The following DLG1 variants were observed in gnomAD, a reference collection of about 807,000 sequenced individuals.
The protein encoded by DLG1 is disks large homolog 1.
A neutral mutation model predicts 123.4 loss-of-function variants in DLG1; 42 were observed. The ratio of observed to expected loss-of-function variants is 0.34; its 90% CI spans 0.27 to 0.44. The LOEUF (loss-of-function observed/expected upper bound fraction) is 0.44. Among genes scored for constraint, DLG1 ranks in the 20% least tolerant of loss-of-function variants. The pLI, the probability that DLG1 is intolerant of heterozygous loss-of-function variation, is 1.00. For missense variants in DLG1, 942 were observed against 1,082.6 expected (o/e 0.87, Z 1.82); for synonymous variants, 317 against 356.2 (o/e 0.89, Z 1.24).
intron 4 of DLG1, among the ~76,000 whole-genome samples, chr3:197,224,935 T>C (rs770714043): frequency 4.0e-5 from 6 of 149,476 alleles, no homozygotes; most frequent in South Asian, 2.1e-4. Context: ...TTCCTACAAA[T>C]AGCTTTAAAC....
At chr3:197,205,536 A>T (rs1298000351) in intron 4 of DLG1, among the ~76,000 whole-genome samples, 3 of 152,216 alleles carry the variant, frequency 2.0e-5, no homozygotes, top group Admixed American at 2.0e-4. Context: ...AGGAAAAAAA[A>T]TTAATGAATA....
intron 4 of DLG1, among the ~76,000 whole-genome samples, chr3:197,254,917 G>T (rs1043744150): frequency 2.6e-5 from 4 of 151,994 alleles, no homozygotes; most frequent in Non-Finnish European, 4.4e-5. Flanking sequence ...TTAGCCGGGC[G>T]TGGTGGCACG....
At chr3:197,246,491 G>A (rs911734938) in intron 4 of DLG1, among the ~76,000 whole-genome samples, 1 of 152,124 alleles carries the variant, frequency 6.6e-6, no homozygotes, top group Non-Finnish European at 1.5e-5. Context: ...CTAACCTGAA[G>A]GGGTGTGCTC....
chr3:197,262,504 C>A (rs1188009022), intron 4 of DLG1, among the ~76,000 whole-genome samples: 1 of 152,118 alleles, frequency 6.6e-6, no homozygotes, highest in Non-Finnish European at 1.5e-5. Flanking sequence ...GCAAATTAAC[C>A]AAACCCAAGG....
At position 197,066,751 on chromosome 3, in the gene DLG1, C is replaced by T. The variant is rs766663727; in HGVS notation, c.2051G>A (p.Gly684Asp). 26 of 1,598,364 alleles carry T rather than the reference C, an allele frequency of 1.6e-5. No homozygotes were observed. The South Asian group carries it at 2.4e-4, about 14-fold the overall frequency. ...NASDSESSYR[G>D]QEEYVLSYEP... ...ATAAGATAAGACGTATTCTTCTTGA[C>T]CACCTATTAGAAAGTGAAGGCACAG... The change falls in exon 20 of 25, where the codon GGT (glycine) becomes GAT (aspartate). Residue 684 changes from glycine (G) to aspartate (D), a missense_variant. By Grantham distance (94) the Gly-to-Asp change is moderately conservative. Transcript: ENST00000667157.
chr3:197,157,486 CAAGA>C (rs1796883536), intron 5 of DLG1, among the ~76,000 whole-genome samples: 1 of 151,980 alleles, frequency 6.6e-6, no homozygotes, highest in South Asian at 2.1e-4. Flanking sequence ...TTAACTTCAT[CAAGA>C]AAGTAAAAAA....
chr3:197,244,664 C>T (rs934641670), intron 4 of DLG1, among the ~76,000 whole-genome samples: 1 of 150,698 alleles, frequency 6.6e-6, no homozygotes, highest in Non-Finnish European at 1.5e-5. Context: ...TTGAAGATGG[C>T]GATGCTTTTT....
In DLG1 at chr3:197,240,020, T is replaced by C. The variant is rs7620824; in HGVS notation, c.318+42659A>G. Among the ~76,000 whole-genome samples, 1,279 of 152,208 alleles carry C rather than the reference T, an allele frequency of 8.4e-3. 17 individuals carry two copies. The highest frequency in any genetic ancestry group is 0.029 in the African/African-American group (1,212 of 41,518). On this transcript the variant is annotated intron_variant, in intron 4 of 24. Transcript: ENST00000667157. ...ACTCATGCTTCCCCATCATCTAATG[T>C]TCTCTGGCAGGAGACTGTCCCTTAT... is the stretch of plus-strand genomic sequence containing the variant.
At chr3:197,252,982 G>GA (rs1052896478) in intron 4 of DLG1, among the ~76,000 whole-genome samples, 12 of 152,066 alleles carry the variant, frequency 7.9e-5, no homozygotes, top group South Asian at 2.1e-4. Flanking sequence ...AACTTAATCT[G>GA]AAAAAACAGG....
intron 15 of DLG1, among the ~76,000 whole-genome samples, chr3:197,087,037 G>A (rs3843375): frequency 0.39 from 58,914 of 151,874 alleles, 12,153 homozygotes; most frequent in East Asian, 0.74. Context: ...GTTATTAATC[G>A]TAAGAGTGCA....
intron 4 of DLG1, among the ~76,000 whole-genome samples, chr3:197,233,309 A>G (rs1744216493): frequency 6.6e-6 from 1 of 152,352 alleles, no homozygotes; most frequent in African/African-American, 2.4e-5. Flanking sequence ...GATGGTCCAT[A>G]TTCATGGATT....
intron 5 of DLG1, among the ~76,000 whole-genome samples, chr3:197,169,427 CAT>C (rs1487684210): frequency 2.6e-5 from 4 of 152,056 alleles, no homozygotes; most frequent in Non-Finnish European, 1.5e-5. Context: ...AATCAAGACA[CAT>C]TTTGAATGTA....
At chr3:197,107,371 T>G (rs1767086268) in intron 13 of DLG1, among the ~76,000 whole-genome samples, 2 of 152,010 alleles carry the variant, frequency 1.3e-5, no homozygotes, top group Non-Finnish European at 2.9e-5. Flanking sequence ...GGTGAAACCC[T>G]GTCTCTACTA....
At chr3:197,115,302 G>A (rs940707855) in intron 13 of DLG1, among the ~76,000 whole-genome samples, 2 of 151,762 alleles carry the variant, frequency 1.3e-5, no homozygotes, top group Admixed American at 6.6e-5. Context: ...CAAAAATTGT[G>A]TATGGGTAAC....
At chr3:197,152,812 G>A (rs1166668818) in intron 5 of DLG1, among the ~76,000 whole-genome samples, 1 of 150,404 alleles carries the variant, frequency 6.6e-6, no homozygotes, top group East Asian at 1.9e-4. Flanking sequence ...TGGGCACATG[G>A]CTCACCCAAA....
At chr3:197,066,448 T>C (rs1016047562) in intron 20 of DLG1, among the ~76,000 whole-genome samples, 1 of 152,164 alleles carries the variant, frequency 6.6e-6, no homozygotes, top group Admixed American at 6.5e-5. Flanking sequence ...TGGAAGATAG[T>C]GATGCTAACA....
intron 4 of DLG1, among the ~76,000 whole-genome samples, chr3:197,221,584 T>C (rs1399758618): frequency 6.6e-6 from 1 of 151,856 alleles, no homozygotes; most frequent in African/African-American, 2.4e-5. Flanking sequence ...AATAAAGCTA[T>C]GTTTCAACCT....
intron 14 of DLG1, among the ~76,000 whole-genome samples, chr3:197,094,353 T>C (rs940050020): frequency 5.3e-5 from 8 of 152,208 alleles, no homozygotes; most frequent in Admixed American, 3.3e-4. Context: ...ATATGGTTTG[T>C]TCTTTTAAGT....
At chr3:197,085,509 A>G (rs1235647953) in intron 16 of DLG1, 71 bp downstream of exon 16, 6 of 1,536,140 alleles carry the variant, frequency 3.9e-6, no homozygotes, top group Non-Finnish European at 5.4e-6. Flanking sequence ...GTTGTCACAA[A>G]TTAAAAAAAA....
Sources: gnomAD v4.1 joint callset for allele counts (sites outside exome capture counted in the v4.1 genomes callset) on GRCh38, gnomAD v4.1.1 for gene constraint, MANE v1.5 for transcripts, NCBI Gene and HGNC (gene_info 2026-07-23, HGNC 2026-07-21) for gene names.